RBPJ: variants seen among roughly 807,000 people sequenced by gnomAD.
RBPJ encodes the protein recombining binding protein suppressor of hairless.
RBPJ carries 9 observed loss-of-function variants against 67.8 expected under a neutral mutation model. The ratio of observed to expected loss-of-function variants is 0.13; its 90% CI spans 0.08 to 0.23. The LOEUF is 0.23. Ranked by LOEUF, RBPJ falls within the 10% of genes least tolerant of loss-of-function variation. The pLI, the probability that RBPJ is intolerant of heterozygous loss-of-function variation, is 1.00. For missense variants in RBPJ, 305 were observed against 595.6 expected, an observed-to-expected ratio of 0.51 and a Z score of 5.08; for synonymous variants, 198 against 203.3, an observed-to-expected ratio of 0.97 and a Z score of 0.22.
At chr4:26,242,954 C>T (rs75181788) in intron 1 of RBPJ, among the ~76,000 whole-genome samples, 3 of 152,182 alleles carry the variant, frequency 2.0e-5, no homozygotes, top group East Asian at 1.9e-4. Flanking sequence ...TTTAAAAGCG[C>T]GGTGGCTCAT....
upstream of RBPJ, among the ~76,000 whole-genome samples, chr4:26,319,496 G>GCCCGCCT (rs1371133617): frequency 3.4e-4 from 44 of 127,612 alleles, no homozygotes; most frequent in Admixed American, 4.1e-4. Context: ...GCCGCCCGCC[G>GCCCGCCT]CCCGCCTCCC....
intron 1 of RBPJ, among the ~76,000 whole-genome samples, chr4:26,308,518 A>T (rs1722321921): frequency 6.6e-6 from 1 of 152,228 alleles, no homozygotes; most frequent in Non-Finnish European, 1.5e-5. Context: ...ATTAGAATAA[A>T]AATTGTTAAC....
At chr4:26,319,296 C>T (rs1040442421), upstream of RBPJ, among the ~76,000 whole-genome samples, 1 of 152,182 alleles carries the variant, frequency 6.6e-6, no homozygotes, top group African/African-American at 2.4e-5. Context: ...GACTTCCAAC[C>T]TCCTGGCTTC....
chr4:26,164,805 T>C (rs1716205151), intron 1 of RBPJ, among the ~76,000 whole-genome samples: 1 of 152,230 alleles, frequency 6.6e-6, no homozygotes, highest in Non-Finnish European at 1.5e-5. Context: ...CTGCTAGTTC[T>C]GTGTCAGAAG....
intron 1 of RBPJ, among the ~76,000 whole-genome samples, chr4:26,375,982 C>G (rs1002925526): frequency 2.0e-5 from 3 of 152,110 alleles, no homozygotes; most frequent in African/African-American, 4.8e-5. Context: ...TTGACAACTA[C>G]TTGTCTGTTT....
chr4:26,221,152 G>A (rs1033429588), intron 1 of RBPJ, among the ~76,000 whole-genome samples: 1 of 152,080 alleles, frequency 6.6e-6, no homozygotes, highest in Non-Finnish European at 1.5e-5. Flanking sequence ...GTGCGGTGGC[G>A]CGATCTCGGC....
intron 2 of RBPJ, among the ~76,000 whole-genome samples, chr4:26,399,895 C>T (rs1388898110): frequency 1.3e-5 from 2 of 151,786 alleles, no homozygotes; most frequent in Non-Finnish European, 2.9e-5. Context: ...GCCAGGCTGG[C>T]CTCAAACTCC....
intron 1 of RBPJ, among the ~76,000 whole-genome samples, chr4:26,325,716 T>C (rs764346606): frequency 2.0e-5 from 3 of 152,198 alleles, no homozygotes; most frequent in Non-Finnish European, 4.4e-5. Flanking sequence ...AGCTGAGTTG[T>C]TTGCCATTTT....
intron 1 of RBPJ, among the ~76,000 whole-genome samples, chr4:26,268,359 T>A (rs1313776121): frequency 6.6e-6 from 1 of 152,200 alleles, no homozygotes; most frequent in Non-Finnish European, 1.5e-5. Context: ...TTTGCTTCAT[T>A]TCTGGGGCCT....
chr4:26,348,754 A>T (rs1476065893), intron 1 of RBPJ, among the ~76,000 whole-genome samples: 1 of 151,858 alleles, frequency 6.6e-6, no homozygotes, highest in Admixed American at 6.6e-5. Context: ...CTCAGAGTGG[A>T]GCGCAGTGGC....
intron 8 of RBPJ, 116 bp downstream of exon 8, chr4:26,428,976 A>G: frequency 1.4e-6 from 1 of 728,250 alleles, no homozygotes. Flanking sequence ...GAAGCTATAC[A>G]CAGATATTTA....
At chr4:26,306,666 G>A (rs1297839712) in intron 1 of RBPJ, among the ~76,000 whole-genome samples, 2 of 151,682 alleles carry the variant, frequency 1.3e-5, no homozygotes, top group Non-Finnish European at 2.9e-5. Flanking sequence ...AGCCAGGATA[G>A]TCTCAATCTC....
At chr4:26,252,329 G>A (rs1346317575) in intron 1 of RBPJ, among the ~76,000 whole-genome samples, 1 of 151,962 alleles carries the variant, frequency 6.6e-6, no homozygotes, top group Non-Finnish European at 1.5e-5. Context: ...GGTGCAGTGG[G>A]TCATGCATGT....
chr4:26,362,517 G>A (rs1728170924), intron 1 of RBPJ: 16 of 1,567,940 alleles, frequency 1.0e-5, no homozygotes, highest in South Asian at 1.2e-5. Context: ...ATCTCAAAAC[G>A]AAAGGAGAAT....
chr4:26,261,113 G>A (rs1018862403), intron 1 of RBPJ, among the ~76,000 whole-genome samples: 1 of 152,090 alleles, frequency 6.6e-6, no homozygotes, highest in African/African-American at 2.4e-5. Flanking sequence ...TAAAATACAC[G>A]GTTTGGGAAT....
chr4:26,189,615 A>G (rs1050948439), intron 1 of RBPJ, among the ~76,000 whole-genome samples: 4 of 152,030 alleles, frequency 2.6e-5, no homozygotes, highest in Admixed American at 1.3e-4. Flanking sequence ...CCAAGATTGC[A>G]CCACTGCACT....
At chr4:26,171,596 G>A (rs750826942) in intron 1 of RBPJ, among the ~76,000 whole-genome samples, 2 of 152,142 alleles carry the variant, frequency 1.3e-5, no homozygotes, top group Non-Finnish European at 2.9e-5. Context: ...TAGCATAAAG[G>A]AATAATTCTC....
chr4:26,376,505 C>G (rs1422954154), intron 1 of RBPJ, among the ~76,000 whole-genome samples: 3 of 152,200 alleles, frequency 2.0e-5, no homozygotes, highest in African/African-American at 7.2e-5. Flanking sequence ...GTATGTACCA[C>G]ATTTTTGTTA....
In RBPJ at chr4:26,379,175, T is replaced by G. The variant is rs1013964783; in HGVS notation, c.21-7178T>G. ...TGAAATCTACCCCATAGGATGTGGG[T>G]TTTTTTGTTTTTGTTTTTTTTTGCC... On this transcript the variant is annotated intron_variant, in intron 1 of 10. Transcript: ENST00000355476. 4.6e-5 allele frequency among the ~76,000 whole-genome samples: 7 copies of G among 151,938 alleles called. No homozygotes were observed. The South Asian group carries it at 8.3e-4, about 18-fold the overall frequency.
Sources: allele counts gnomAD v4.1 joint callset (sites outside exome capture counted in the v4.1 genomes callset), GRCh38; gene constraint gnomAD v4.1.1; transcripts MANE v1.5; gene names NCBI Gene and HGNC (gene_info 2026-07-23, HGNC 2026-07-21).